The following ZNF385C variants were observed in gnomAD, a reference collection of about 807,000 sequenced individuals.
ZNF385C encodes CTD-2132N18.2.
A neutral mutation model predicts 35.4 loss-of-function variants in ZNF385C; 28 were observed. That is an observed-to-expected ratio of 0.79 (90% confidence interval 0.59 to 1.08). The LOEUF (loss-of-function observed/expected upper bound fraction) is 1.08, where lower values mean the gene tolerates loss of function less well. Among genes scored for constraint, ZNF385C ranks in the 50% least tolerant of loss-of-function variants. The pLI, the probability that ZNF385C is intolerant of heterozygous loss-of-function variation, is 0.00. For missense variants in ZNF385C, 605 were observed against 595.6 expected (o/e 1.02, Z -0.16); for synonymous variants, 248 against 248.2 (o/e 1.00, Z 0.01).
chr17:42,039,392 T>C, intron 2 of ZNF385C: 2 of 287,642 alleles, frequency 7.0e-6, no homozygotes, highest in Non-Finnish European at 1.3e-5. Flanking sequence ...GGACCCAAAC[T>C]TGCCCCGAGT....
At chr17:42,098,076 C>T (rs960442184) in intron 1 of ZNF385C, among the ~76,000 whole-genome samples, 2 of 152,214 alleles carry the variant, frequency 1.3e-5, no homozygotes, top group Non-Finnish European at 2.9e-5. Context: ...TCTCAGTCAA[C>T]GAGGTTCCTT....
At chr17:42,075,488 ACTC>A (rs1182047108) in intron 1 of ZNF385C, among the ~76,000 whole-genome samples, 3 of 124,258 alleles carry the variant, frequency 2.4e-5, no homozygotes, top group Non-Finnish European at 5.1e-5. Context: ...ATTCCTTTAT[ACTC>A]CTTTTTTTTT....
chr17:42,052,651 G>A (rs2143775580), intron 2 of ZNF385C, among the ~76,000 whole-genome samples: 1 of 152,194 alleles, frequency 6.6e-6, no homozygotes, highest in East Asian at 1.9e-4. Context: ...GCACATGAAC[G>A]TACAGACTCC....
At chr17:42,039,490 C>T (rs1555655823) in intron 2 of ZNF385C, 1 of 403,014 alleles carries the variant, frequency 2.5e-6, no homozygotes, top group Admixed American at 4.4e-5. Flanking sequence ...GCATCTCTGC[C>T]CACCCGCCCA....
At chr17:42,064,101 C>CACACACACAT (rs1555658280) in intron 1 of ZNF385C, among the ~76,000 whole-genome samples, 2 of 151,508 alleles carry the variant, frequency 1.3e-5, no homozygotes, top group Non-Finnish European at 2.9e-5. Context: ...CACACACACA[C>CACACACACAT]ACACACACAC....
At chr17:42,047,885 C>A (rs1182317387) in intron 2 of ZNF385C, among the ~76,000 whole-genome samples, 1 of 151,774 alleles carries the variant, frequency 6.6e-6, no homozygotes, top group Non-Finnish European at 1.5e-5. Context: ...GAACTCCTGA[C>A]CTCGTGATCT....
intron 1 of ZNF385C, among the ~76,000 whole-genome samples, chr17:42,076,749 T>C (rs2053690557): frequency 6.6e-6 from 1 of 152,148 alleles, no homozygotes; most frequent in African/African-American, 2.4e-5. Context: ...AAGCATAGGG[T>C]GTCTCTTTCC....
chr17:42,037,602 C>T, intron 3 of ZNF385C, 135 bp downstream of exon 3: 1 of 1,106,854 alleles, frequency 9.0e-7, no homozygotes. Context: ...TGGGGAGCAC[C>T]TATCCCCTCT....
chr17:42,076,652 G>C (rs1186045661), intron 1 of ZNF385C, among the ~76,000 whole-genome samples: 1 of 152,082 alleles, frequency 6.6e-6, no homozygotes, highest in African/African-American at 2.4e-5. Context: ...CAAAGAAGGG[G>C]AGGCTCTGAG....
intron 2 of ZNF385C, among the ~76,000 whole-genome samples, chr17:42,044,488 T>C (rs369524975): frequency 1.3e-5 from 2 of 151,596 alleles, no homozygotes; most frequent in African/African-American, 2.4e-5. Context: ...TGGTGGCACA[T>C]GCCTGTAATC....
intron 1 of ZNF385C, among the ~76,000 whole-genome samples, chr17:42,088,461 G>A (rs1215641531): frequency 6.6e-6 from 1 of 152,250 alleles, no homozygotes; most frequent in Admixed American, 6.5e-5. Flanking sequence ...CCGGACAAGC[G>A]CCCTGTGTCT....
At chr17:42,093,739 C>T (rs74347187) in intron 1 of ZNF385C, among the ~76,000 whole-genome samples, 10,758 of 151,888 alleles carry the variant, frequency 0.071, 449 homozygotes, top group African/African-American at 0.11. Flanking sequence ...CATCACCAAG[C>T]CCGGCTAATT....
At chr17:42,069,464 C>T (rs1341565203) in intron 1 of ZNF385C, among the ~76,000 whole-genome samples, 3 of 152,158 alleles carry the variant, frequency 2.0e-5, no homozygotes, top group South Asian at 2.1e-4. Flanking sequence ...AGGCAGCAGA[C>T]GGTTGTTTCT....
chr17:42,056,011 G>T (rs1374890517), intron 2 of ZNF385C, among the ~76,000 whole-genome samples: 1 of 152,184 alleles, frequency 6.6e-6, no homozygotes, highest in East Asian at 1.9e-4. Context: ...AGTCTGACTC[G>T]ATCTCTGCTA....
chr17:42,070,525 C>T (rs576813574), intron 1 of ZNF385C, among the ~76,000 whole-genome samples: 6 of 152,250 alleles, frequency 3.9e-5, no homozygotes, highest in South Asian at 2.1e-4. Flanking sequence ...TGGTGGCAAG[C>T]GCCTGTTGTC....
chr17:42,089,558 TAACA>T (rs2053843622), intron 1 of ZNF385C, among the ~76,000 whole-genome samples: 1 of 152,130 alleles, frequency 6.6e-6, no homozygotes, highest in African/African-American at 2.4e-5. Flanking sequence ...CGGGTAGAAG[TAACA>T]CTGAGGATGG....
At chr17:42,079,680 A>T (rs181594355) in intron 1 of ZNF385C, among the ~76,000 whole-genome samples, 1 of 151,976 alleles carries the variant, frequency 6.6e-6, no homozygotes, top group African/African-American at 2.4e-5. Flanking sequence ...TCACCCCCCA[A>T]AAAAAAGAAA....
rs1555654207 is a variant in ZNF385C at position 42,026,720 on chromosome 17, G to A, written c.*177C>T. On this transcript the variant is annotated 3_prime_UTR_variant, in exon 9 of 9. Coordinates refer to ENST00000692273, the MANE Select transcript of ZNF385C (RefSeq NM_001392013.1). ...AACCCTGGAAGGCCTGCGAAAGGAGGGTGGGGACAGTCCTTGGAAGGCAGC... is the reference window on the plus strand; with the variant it reads ...AACCCTGGAAGGCCTGCGAAAGGAGAGTGGGGACAGTCCTTGGAAGGCAGC... The A allele has an allele frequency of 1.0e-5, 7 of 681,028 alleles. No homozygotes were observed. The highest frequency in any genetic ancestry group is 8.8e-5 in the South Asian group (5 of 56,858). 42.2% of individuals were successfully genotyped at this position (681,028 alleles called of 1,614,324 possible).
intron 1 of ZNF385C, among the ~76,000 whole-genome samples, chr17:42,085,787 T>G (rs1206960257): frequency 6.6e-6 from 1 of 151,676 alleles, no homozygotes; most frequent in Non-Finnish European, 1.5e-5. Context: ...TTAGTAGAGA[T>G]GGGTTTTCAC....
Sources: allele counts gnomAD v4.1 joint callset (sites outside exome capture counted in the v4.1 genomes callset), GRCh38; gene constraint gnomAD v4.1.1; transcripts MANE v1.5; gene names NCBI Gene and HGNC (gene_info 2026-07-23, HGNC 2026-07-21).